Variants in RNF128 observed in about 807,000 individuals in gnomAD.
RNF128 encodes E3 ubiquitin-protein ligase RNF128.
In RNF128, 13 loss-of-function variants were observed where a neutral mutation model predicts 26.2. The observed-to-expected ratio is 0.50, with a 90% CI of 0.32 to 0.79. The LOEUF (loss-of-function observed/expected upper bound fraction) is 0.79, where lower values mean the gene tolerates loss of function less well. RNF128 is among the 30% of genes least tolerant of loss of function. RNF128 has a pLI of 0.03. For synonymous variants in RNF128, 149 were observed against 142.5 expected (o/e 1.05, Z -0.32); for missense variants, 315 against 349.7 (o/e 0.90, Z 0.79).
intron 1 of RNF128, among the ~76,000 whole-genome samples, chrX:106,763,626 C>G (rs1193371504): frequency 9.0e-6 from 1 of 111,584 alleles, no homozygotes; most frequent in Non-Finnish European, 1.9e-5. Flanking sequence ...CCTGCCTCAG[C>G]CTCCCGAGTA....
chrX:106,787,924 G>A lies in RNF128; in HGVS notation c.811G>A (p.Gly271Ser), dbSNP rs1182279905. 8.4e-7 allele frequency: 1 copy of A among 1,183,597 alleles called. No homozygotes were observed. Among genetic ancestry groups the A allele is most frequent in the Non-Finnish European group, 1.1e-6 (1 of 879,036 alleles). The change falls in exon 4 of 7, where the codon GGC becomes AGC. Residue 271 changes from glycine (G) to serine (S), a missense_variant. Transcript: ENST00000255499. ...RTLKQGDKEIGPDGDSCAVCI... is the reference protein window; with the variant it reads ...RTLKQGDKEISPDGDSCAVCI... The stretch of plus-strand genomic sequence containing the variant: ...AATAACTACTTGCTTGTAGGAAATT[G>A]GCCCTGATGGAGATAGTTGTGCTGT...
At chrX:106,754,236 T>C (rs1472876743) in intron 1 of RNF128, among the ~76,000 whole-genome samples, 1 of 109,229 alleles carries the variant, frequency 9.2e-6, no homozygotes, top group East Asian at 2.8e-4. Context: ...TTTCTTTTTT[T>C]TCAGACAAGT....
chrX:106,717,310 G>A (rs1454842254), intron 1 of RNF128, among the ~76,000 whole-genome samples: 1 of 111,991 alleles, frequency 8.9e-6, no homozygotes, highest in African/African-American at 3.2e-5. Context: ...TAATATGAAG[G>A]ATGATTTGGA....
At position 106,788,035 on chromosome X, in the gene RNF128, T is replaced by C. The variant is rs113646021; in HGVS notation, c.887+35T>C. The C allele has an allele frequency of 9.4e-5, 80 of 850,524 alleles. 2 individuals carry two copies. Among genetic ancestry groups the C allele is most frequent in the African/African-American group, 8.5e-4 (40 of 47,190 alleles). 70.1% of individuals were successfully genotyped at this position (850,524 alleles called of 1,213,427 possible). A position where few individuals can be genotyped will look rare whatever the true frequency, so the allele number is the denominator to read the frequency against. On this transcript the variant is annotated intron_variant, in intron 4 of 6. Transcript: ENST00000255499. ...ATTTTCTTCTATATCTTCAATAAAA[T>C]AGCTGACCCACAAAAATGACTGTGA...
chrX:106,730,483 G>A (rs914234665), intron 1 of RNF128, among the ~76,000 whole-genome samples: 1 of 111,781 alleles, frequency 8.9e-6, no homozygotes, highest in Non-Finnish European at 1.9e-5. Context: ...CAGATAAGTG[G>A]CCAAATCTTA....
chrX:106,774,842 G>C lies in RNF128; in HGVS notation c.732+1682G>C, dbSNP rs1309472137. Among the ~76,000 whole-genome samples, 6 of 111,908 alleles carry C rather than the reference G, an allele frequency of 5.4e-5. No individual in the cohort carries two copies. The East Asian group carries it at 1.7e-3, about 31-fold the overall frequency. On this transcript the variant is annotated intron_variant, in intron 2 of 6. Transcript: ENST00000255499. ...TTTCTCTAAAGGCGATCGATTTCTG[G>C]TCACTTCATGTACTCTTCCTCCAAT...
chrX:106,737,565 A>C (rs1238092690), intron 1 of RNF128, among the ~76,000 whole-genome samples: 1 of 112,081 alleles, frequency 8.9e-6, no homozygotes, highest in Non-Finnish European at 1.9e-5. Context: ...CAAGAGAAGA[A>C]AGTCTGTACA....
chrX:106,751,579 G>A (rs978404746), intron 1 of RNF128, among the ~76,000 whole-genome samples: 2 of 110,456 alleles, frequency 1.8e-5, no homozygotes, highest in African/African-American at 3.3e-5. Flanking sequence ...CCAAGAAAGC[G>A]TTTGCATCAC....
At chrX:106,757,434 G>A (rs1293970196) in intron 1 of RNF128, among the ~76,000 whole-genome samples, 1 of 71,121 alleles carries the variant, frequency 1.4e-5, no homozygotes, top group Non-Finnish European at 2.6e-5. Flanking sequence ...GTCCTTTGTA[G>A]GGACATGGAT....
chrX:106,774,619 T>C (rs761494579), intron 2 of RNF128, among the ~76,000 whole-genome samples: 1 of 112,266 alleles, frequency 8.9e-6, no homozygotes. Context: ...TATTTCTACC[T>C]TCATTATATA....
At chrX:106,694,325 C>T in exon 1 of RNF128, 1 of 1,210,073 alleles carries the variant, frequency 8.3e-7, no homozygotes, top group African/African-American at 1.7e-5. Flanking sequence ...AAAATTCAAA[C>T]AGCGGGCAGA....
At chrX:106,788,426 T>TATATAATATATAA (rs1569445352) in intron 4 of RNF128, among the ~76,000 whole-genome samples, 103 of 46,516 alleles carry the variant, frequency 2.2e-3, no homozygotes, top group African/African-American at 9.6e-3. Context: ...ATAATATATA[T>TATATAATATATAA]TATATATAAT....
intron 4 of RNF128, among the ~76,000 whole-genome samples, chrX:106,789,407 A>G (rs1479425259): frequency 2.4e-5 from 1 of 41,915 alleles, no homozygotes. Flanking sequence ...ATTATATAAT[A>G]TATATACTCT....
At chrX:106,731,612 T>C (rs1929503637) in intron 1 of RNF128, among the ~76,000 whole-genome samples, 1 of 111,676 alleles carries the variant, frequency 9.0e-6, no homozygotes, top group Admixed American at 9.5e-5. Context: ...TATTTGACAC[T>C]GTTGACTGCC....
chrX:106,735,422 G>C (rs1166653222), intron 1 of RNF128, among the ~76,000 whole-genome samples: 1 of 111,076 alleles, frequency 9.0e-6, no homozygotes, highest in Non-Finnish European at 1.9e-5. Flanking sequence ...AATACTGCCT[G>C]CAACTAAAAG....
rs376450562 is a variant in RNF128, at chrX:106,787,935, A to G, written c.822A>G (p.Gly274=). Residue 274 remains glycine (G), a synonymous_variant, in exon 4 of 7, where the codon GGA becomes GGG. Coordinates refer to ENST00000255499, the MANE Select transcript of RNF128 (RefSeq NM_194463.2). The part of the protein sequence containing the change: ...KQGDKEIGPD[G]DSCAVCIELY... ...GCTTGTAGGAAATTGGCCCTGATGG[A>G]GATAGTTGTGCTGTGTGCATTGAAT... 1.1e-4 allele frequency: 125 copies of G among 1,189,115 alleles called. No homozygotes were observed. Among genetic ancestry groups the G allele is most frequent in the East Asian group, 7.1e-4 (23 of 32,543 alleles).
chrX:106,763,569 C>G (rs1029187121), intron 1 of RNF128, among the ~76,000 whole-genome samples: 3 of 112,744 alleles, frequency 2.7e-5, no homozygotes, highest in Non-Finnish European at 3.8e-5. Context: ...TGCACTGGCA[C>G]GATCTTGGCT....
intron 1 of RNF128, among the ~76,000 whole-genome samples, chrX:106,702,180 G>T (rs1293648853): frequency 9.0e-6 from 1 of 110,852 alleles, no homozygotes; most frequent in African/African-American, 3.3e-5. Flanking sequence ...TAGTACCTCT[G>T]GGCACCAGTT....
intron 1 of RNF128, among the ~76,000 whole-genome samples, chrX:106,730,959 T>C (rs1929492325): frequency 2.7e-5 from 3 of 111,623 alleles, no homozygotes; most frequent in African/African-American, 9.8e-5. Context: ...CTCTGCCAAT[T>C]AGTATTTTTT....
Sources: gnomAD v4.1 joint callset for allele counts (sites outside exome capture counted in the v4.1 genomes callset) on GRCh38, gnomAD v4.1.1 for gene constraint, MANE v1.5 for transcripts, NCBI Gene and HGNC (gene_info 2026-07-23, HGNC 2026-07-21) for gene names.